Variants in MAN1A1 observed in about 807,000 individuals in gnomAD.
The protein encoded by MAN1A1 is mannosidase alpha class 1A member 1, also known as mannosyl-oligosaccharide 1,2-alpha-mannosidase IA.
Under a neutral mutation model 70.8 loss-of-function variants are expected in MAN1A1, and 29 were observed. The observed-to-expected ratio is 0.41, with a 90% CI of 0.31 to 0.56. The LOEUF is 0.56. Ranked by LOEUF, MAN1A1 falls within the 20% of genes least tolerant of loss-of-function variation. MAN1A1 has a pLI of 0.29. For missense variants in MAN1A1, 747 were observed against 841.3 expected (o/e 0.89, Z 1.39); for synonymous variants, 349 against 330.1 (o/e 1.06, Z -0.62).
intron 8 of MAN1A1, among the ~76,000 whole-genome samples, chr6:119,194,631 A>C (rs1582685116): frequency 6.6e-6 from 1 of 152,240 alleles, no homozygotes; most frequent in East Asian, 1.9e-4. Flanking sequence ...GCCTATTATT[A>C]TTTGATAAAT....
intron 5 of MAN1A1, among the ~76,000 whole-genome samples, chr6:119,278,877 T>C (rs1384113339): frequency 6.6e-6 from 1 of 152,172 alleles, no homozygotes; most frequent in East Asian, 1.9e-4. Flanking sequence ...CCTTCTGCCA[T>C]GAGTGGAAAG....
At chr6:119,331,355 A>G (rs1012263186) in intron 2 of MAN1A1, among the ~76,000 whole-genome samples, 4 of 151,984 alleles carry the variant, frequency 2.6e-5, no homozygotes, top group Non-Finnish European at 5.9e-5. Flanking sequence ...CTTAAAAATT[A>G]AATAATTGTA....
intron 5 of MAN1A1, among the ~76,000 whole-genome samples, chr6:119,271,229 T>G (rs1775914803): frequency 6.6e-6 from 1 of 152,224 alleles, no homozygotes; most frequent in African/African-American, 2.4e-5. Context: ...ATTTATAATA[T>G]TCTGTGAACT....
chr6:119,194,386 C>T (rs1773513788), intron 8 of MAN1A1, among the ~76,000 whole-genome samples: 1 of 152,130 alleles, frequency 6.6e-6, no homozygotes, highest in Non-Finnish European at 1.5e-5. Context: ...TGCAGAGGCA[C>T]GATGATAGCT....
intron 6 of MAN1A1, among the ~76,000 whole-genome samples, chr6:119,222,788 G>C (rs911379159): frequency 5.3e-5 from 8 of 152,088 alleles, no homozygotes; most frequent in African/African-American, 1.9e-4. Context: ...TGAAATCCTG[G>C]GCAGTGTTTG....
intron 8 of MAN1A1, among the ~76,000 whole-genome samples, chr6:119,194,788 ACG>A (rs1773524445): frequency 4.4e-5 from 3 of 68,702 alleles, no homozygotes; most frequent in Admixed American, 1.2e-4. Context: ...GATCCACTAC[ACG>A]TATTATCAAC....
intron 2 of MAN1A1, among the ~76,000 whole-genome samples, chr6:119,314,150 G>C (rs934802071): frequency 1.3e-5 from 2 of 152,110 alleles, no homozygotes; most frequent in Admixed American, 1.3e-4. Flanking sequence ...TCCACTTCTA[G>C]CATAGGCTGC....
chr6:119,300,627 T>G (rs1336866995), intron 4 of MAN1A1, among the ~76,000 whole-genome samples: 1 of 152,186 alleles, frequency 6.6e-6, no homozygotes, highest in African/African-American at 2.4e-5. Flanking sequence ...TTTTCATATT[T>G]AGCTCTATCA....
chr6:119,255,029 C>A (rs1004849052), intron 5 of MAN1A1, among the ~76,000 whole-genome samples: 3 of 152,154 alleles, frequency 2.0e-5, no homozygotes, highest in African/African-American at 7.2e-5. Flanking sequence ...ACACATTTAT[C>A]TTTTTACTTT....
At chr6:119,270,403 A>T (rs1259904105) in intron 5 of MAN1A1, among the ~76,000 whole-genome samples, 2 of 152,332 alleles carry the variant, frequency 1.3e-5, no homozygotes, top group East Asian at 3.9e-4. Context: ...CAATTCACCC[A>T]TTTAAAGTAT....
chr6:119,343,558 G>T (rs1307224660), intron 2 of MAN1A1, among the ~76,000 whole-genome samples: 3 of 152,140 alleles, frequency 2.0e-5, no homozygotes, highest in African/African-American at 7.2e-5. Flanking sequence ...TGAGAGGTTG[G>T]GGGTGGGGAT....
At chr6:119,287,780 T>C (rs1316935857) in intron 5 of MAN1A1, among the ~76,000 whole-genome samples, 2 of 152,020 alleles carry the variant, frequency 1.3e-5, no homozygotes, top group Admixed American at 1.3e-4. Flanking sequence ...GATGCTGCTA[T>C]ATTTACTATC....
At chr6:119,300,552 T>C (rs195088) in intron 4 of MAN1A1, among the ~76,000 whole-genome samples, 87,120 of 151,908 alleles carry the variant, frequency 0.57, 25,343 homozygotes, top group African/African-American at 0.65. Flanking sequence ...CCACGCCCGG[T>C]CCACAGAAGT....
intron 6 of MAN1A1, among the ~76,000 whole-genome samples, chr6:119,233,197 A>G (rs1328122065): frequency 6.6e-6 from 1 of 152,140 alleles, no homozygotes; most frequent in Non-Finnish European, 1.5e-5. Context: ...TTGCTTACCC[A>G]ACCAATATTA....
chr6:119,204,959 T>C (rs1773818876), intron 6 of MAN1A1, 77 bp from the exon 7 acceptor site: 6 of 1,484,476 alleles, frequency 4.0e-6, no homozygotes, highest in East Asian at 2.3e-5. Flanking sequence ...AGACATGAAA[T>C]AGACAGCTTT....
At chr6:119,293,340 G>C (rs1322991625) in intron 4 of MAN1A1, among the ~76,000 whole-genome samples, 2 of 152,084 alleles carry the variant, frequency 1.3e-5, no homozygotes, top group Non-Finnish European at 1.5e-5. Context: ...TATTTATCTT[G>C]TACTGTACGA....
Position 119,347,284 on chromosome 6 carries a change from C to T in MAN1A1, c.603+1179G>A, listed in dbSNP as rs551378023. ...GCAGCCACTTAAGCTAAACACCTCT[C>T]AACCACCTCAAAAATCTGTTTACTC... On this transcript the variant is annotated intron_variant, in intron 2 of 12. Coordinates refer to ENST00000368468, the MANE Select transcript of MAN1A1 (RefSeq NM_005907.4). Among the ~76,000 whole-genome samples, 212 of 152,328 alleles carry T rather than the reference C, an allele frequency of 1.4e-3. 1 individual carries two copies. The highest frequency in any genetic ancestry group is 4.9e-3 in the African/African-American group (204 of 41,566).
intron 2 of MAN1A1, among the ~76,000 whole-genome samples, chr6:119,339,812 C>T (rs1010597791): frequency 5.3e-5 from 8 of 152,174 alleles, no homozygotes; most frequent in African/African-American, 1.4e-4. Context: ...AATAAATGGA[C>T]ACGCATGGTG....
intron 2 of MAN1A1, among the ~76,000 whole-genome samples, chr6:119,321,162 C>A (rs1772992266): frequency 1.3e-5 from 2 of 152,128 alleles, no homozygotes; most frequent in African/African-American, 4.8e-5. Context: ...TACATGAAAT[C>A]TTATTTAAAA....
Sources: allele counts gnomAD v4.1 joint callset (sites outside exome capture counted in the v4.1 genomes callset), GRCh38; gene constraint gnomAD v4.1.1; transcripts MANE v1.5; gene names NCBI Gene and HGNC (gene_info 2026-07-23, HGNC 2026-07-21).